Variants in LRRC37A2 observed in about 807,000 individuals in gnomAD.
LRRC37A2 encodes the protein leucine-rich repeat-containing protein 37A2.
LRRC37A2 carries 9 observed loss-of-function variants against 68.8 expected under a neutral mutation model. The ratio of observed to expected loss-of-function variants is 0.13; its 90% CI spans 0.08 to 0.23. The LOEUF (loss-of-function observed/expected upper bound fraction) is 0.23, where lower values mean the gene tolerates loss of function less well. Ranked by LOEUF, LRRC37A2 falls within the 10% of genes least tolerant of loss-of-function variation. The probability of loss-of-function intolerance (pLI) is 1.00; values close to 1 mark genes in which losing one functional copy is unlikely to be tolerated. For synonymous variants in LRRC37A2, 63 were observed against 367.6 expected, an observed-to-expected ratio of 0.17 and a Z score of 9.48; for missense variants, 168 against 950.4, an observed-to-expected ratio of 0.18 and a Z score of 10.82.
the LRRC37A2 span, among the ~76,000 whole-genome samples, chr17:46,974,733 CAAAA>C: frequency 1.6e-5 from 1 of 64,370 alleles, no homozygotes. Context: ...GACTCTCTCT[CAAAA>C]AAAAAAAAAA....
chr17:46,502,521 C>G, the LRRC37A2 span, among the ~76,000 whole-genome samples: 1 of 150,842 alleles, frequency 6.6e-6, no homozygotes, highest in Non-Finnish European at 1.5e-5. Flanking sequence ...AGGCTGGTCT[C>G]GAACTCCTGA....
downstream of LRRC37A2, among the ~76,000 whole-genome samples, chr17:46,558,548 G>T (rs2057414231): frequency 1.1e-5 from 1 of 89,504 alleles, no homozygotes; most frequent in Non-Finnish European, 2.1e-5. Context: ...CACCATGCCC[G>T]GCCAATTTTT....
the LRRC37A2 span, among the ~76,000 whole-genome samples, chr17:46,915,907 T>G: frequency 6.6e-6 from 1 of 152,214 alleles, no homozygotes; most frequent in African/African-American, 2.4e-5. Flanking sequence ...GTGATTCACA[T>G]TGGATATATG....
the LRRC37A2 span, among the ~76,000 whole-genome samples, chr17:46,793,822 A>ATAAACAT: frequency 3.3e-5 from 5 of 152,148 alleles, no homozygotes; most frequent in Admixed American, 3.3e-4. Flanking sequence ...GAGAGTAGAG[A>ATAAACAT]TGCCGGCTCC....
chr17:46,812,241 A>G, the LRRC37A2 span, among the ~76,000 whole-genome samples: 1 of 152,206 alleles, frequency 6.6e-6, no homozygotes, highest in South Asian at 2.1e-4. Context: ...GACCCTGCTT[A>G]GAGCCGGGAC....
the LRRC37A2 span, among the ~76,000 whole-genome samples, chr17:46,798,919 G>A: frequency 1.3e-5 from 2 of 152,000 alleles, no homozygotes; most frequent in Admixed American, 6.6e-5. Flanking sequence ...ATGGTGGTGC[G>A]TGCCTGTAGT....
chr17:46,790,574 C>T, the LRRC37A2 span, among the ~76,000 whole-genome samples: 3 of 152,182 alleles, frequency 2.0e-5, no homozygotes, highest in African/African-American at 7.2e-5. Context: ...CCCTGGGCCC[C>T]ACCTCCTATT....
chr17:46,900,853 C>T, the LRRC37A2 span, among the ~76,000 whole-genome samples: 1 of 152,202 alleles, frequency 6.6e-6, no homozygotes, highest in East Asian at 1.9e-4. Flanking sequence ...ACAAGCCAAG[C>T]TCTGTGCTCT....
At chr17:46,907,158 T>G in the LRRC37A2 span, among the ~76,000 whole-genome samples, 15 of 152,284 alleles carry the variant, frequency 9.9e-5, no homozygotes, top group African/African-American at 3.4e-4. Context: ...ATCATTCAAG[T>G]AGCCTGCCGA....
the LRRC37A2 span, chr17:46,941,068 TG>T: frequency 1.8e-6 from 2 of 1,082,384 alleles, no homozygotes; most frequent in Middle Eastern, 8.7e-4. Context: ...CCAGCCTCTG[TG>T]ACCTTGTACA....
chr17:46,920,393 T>C, the LRRC37A2 span, among the ~76,000 whole-genome samples: 2,421 of 152,284 alleles, frequency 0.016, 62 homozygotes, highest in African/African-American at 0.056. Flanking sequence ...CCAGTATCTG[T>C]GCATGGTACA....
the LRRC37A2 span, among the ~76,000 whole-genome samples, chr17:46,906,882 T>C: frequency 2.0e-5 from 3 of 152,166 alleles, no homozygotes; most frequent in African/African-American, 7.2e-5. Context: ...GAACACCAGA[T>C]GTGTGCCAGG....
the LRRC37A2 span, among the ~76,000 whole-genome samples, chr17:46,817,189 G>T: frequency 5.3e-5 from 8 of 152,276 alleles, no homozygotes; most frequent in Middle Eastern, 3.4e-3. Context: ...TGGAAGACTC[G>T]GGGTGTGGCC....
downstream of LRRC37A2, among the ~76,000 whole-genome samples, chr17:46,558,376 GTTT>G (rs1220226031): frequency 2.8e-5 from 3 of 106,914 alleles, no homozygotes; most frequent in African/African-American, 1.2e-4. Flanking sequence ...GGGTTTTGGG[GTTT>G]TTTTTGTGTT....
At chr17:46,771,760 C>CCCGCGCCGCG in the LRRC37A2 span, among the ~76,000 whole-genome samples, 15 of 137,294 alleles carry the variant, frequency 1.1e-4, no homozygotes, top group African/African-American at 2.4e-4. Context: ...GCCCCCCGCC[C>CCCGCGCCGCG]CCGCGCCGCG....
chr17:46,936,315 G>T, the LRRC37A2 span: 1 of 985,396 alleles, frequency 1.0e-6, no homozygotes, highest in Non-Finnish European at 1.2e-6. Context: ...TGAAGAGCCA[G>T]TGGGGGTTAG....
the LRRC37A2 span, chr17:47,017,339 G>A: frequency 3.1e-6 from 5 of 1,597,772 alleles, no homozygotes; most frequent in South Asian, 4.4e-5. Flanking sequence ...CGCTCCAGCT[G>A]ACCTCTAACC....
the LRRC37A2 span, among the ~76,000 whole-genome samples, chr17:46,622,687 T>C: frequency 6.9e-6 from 1 of 144,820 alleles, no homozygotes; most frequent in Non-Finnish European, 1.5e-5. Flanking sequence ...GGCATGAGAA[T>C]CGCTTGAACC....
the LRRC37A2 span, among the ~76,000 whole-genome samples, chr17:46,860,978 C>T: frequency 6.6e-6 from 1 of 152,198 alleles, no homozygotes; most frequent in African/African-American, 2.4e-5. Context: ...CCTGCCTCTG[C>T]CTTCTGAGTA....
Sources: gnomAD v4.1 joint callset for allele counts (sites outside exome capture counted in the v4.1 genomes callset) on GRCh38, gnomAD v4.1.1 for gene constraint, MANE v1.5 for transcripts, NCBI Gene and HGNC (gene_info 2026-07-23, HGNC 2026-07-21) for gene names.